CERKL: variants seen among roughly 807,000 people sequenced by gnomAD.
CERKL encodes the protein ceramide kinase-like protein.
Under a neutral mutation model 63.4 loss-of-function variants are expected in CERKL, and 61 were observed. That is an observed-to-expected ratio of 0.96 (90% CI 0.78 to 1.19). The LOEUF (loss-of-function observed/expected upper bound fraction) is 1.19. CERKL is among the 50% of genes most tolerant of loss of function. The pLI is 0.00. For missense variants in CERKL, 675 were observed against 655.5 expected (o/e 1.03, Z -0.33); for synonymous variants, 250 against 230.5 (o/e 1.08, Z -0.77).
At position 181,537,657 on chromosome 2, in the gene CERKL, A is replaced by AATTATTTCAGAATTATCT. The variant is rs1458843777; in HGVS notation, c.*509_*526dup. 2.3e-6 allele frequency: 1 copy of AATTATTTCAGAATTATCT among 435,170 alleles called. No homozygotes were observed. The highest frequency in any genetic ancestry group is 2.6e-5 in the Admixed American group (1 of 38,466). The allele number at this position is 435,170 out of a possible 1,614,324, so 27.0% of individuals were successfully genotyped here. ...AAATCCTGAAAAATGAAAGAATCCA[A>AATTATTTCAGAATTATCT]ATTATTTCAGAATTATCTAGGTTAA... On this transcript the variant is annotated 3_prime_UTR_variant, in exon 13 of 13. Coordinates refer to ENST00000410087, the MANE Select transcript of CERKL (RefSeq NM_201548.5).
intron 4 of CERKL, among the ~76,000 whole-genome samples, chr2:181,562,233 G>T (rs1260842605): frequency 3.3e-5 from 5 of 152,096 alleles, no homozygotes; most frequent in Admixed American, 2.6e-4. Context: ...ATTCATCTGT[G>T]AGCTCCCCTT....
chr2:181,591,273 C>T (rs1684979436), intron 2 of CERKL, among the ~76,000 whole-genome samples: 1 of 151,810 alleles, frequency 6.6e-6, no homozygotes. Context: ...CAATCGGTTA[C>T]CTATAAGGGG....
chr2:181,589,756 TCTTA>T (rs1684912021), intron 2 of CERKL, among the ~76,000 whole-genome samples: 1 of 152,130 alleles, frequency 6.6e-6, no homozygotes, highest in African/African-American at 2.4e-5. Context: ...GTAAAGAAAG[TCTTA>T]CTACAATGCA....
At chr2:181,605,533 C>G (rs1163507740) in intron 1 of CERKL, among the ~76,000 whole-genome samples, 1 of 152,146 alleles carries the variant, frequency 6.6e-6, no homozygotes, top group Non-Finnish European at 1.5e-5. Context: ...CCTTAGTGAG[C>G]TGGCTAAAGA....
intron 5 of CERKL, among the ~76,000 whole-genome samples, chr2:181,555,044 A>C (rs1300572707): frequency 6.6e-6 from 1 of 152,154 alleles, no homozygotes; most frequent in Non-Finnish European, 1.5e-5. Flanking sequence ...ATGCTCCCCA[A>C]ATCAGAAATA....
In CERKL at chr2:181,536,983, TATCTG is replaced by T. The variant is rs1454447160; in HGVS notation, c.*1196_*1200del. 2.2e-6 allele frequency: 1 copy of T among 452,134 alleles called. No individual in the cohort carries two copies. The highest frequency in any genetic ancestry group is 7.0e-4 in the Middle Eastern group (1 of 1,430). 28.0% of individuals were successfully genotyped at this position (452,134 alleles called of 1,614,324 possible). On this transcript the variant is annotated 3_prime_UTR_variant, in exon 13 of 13. Transcript: ENST00000410087. Reference sequence around the variant, plus strand: ...GCCAGCCATCCTAATTGATGAAAGTTATCTGTTCACAGGCCTGCAGTGATGGTGAG... The same window carrying T: ...GCCAGCCATCCTAATTGATGAAAGTTTTCACAGGCCTGCAGTGATGGTGAG...
intron 8 of CERKL, chr2:181,548,214 T>C (rs1687819306): frequency 3.9e-6 from 2 of 509,196 alleles, no homozygotes; most frequent in South Asian, 5.1e-5. Flanking sequence ...GCCTGGCATA[T>C]AGTAGGCACT....
chr2:181,572,624 T>C (rs1188670428), intron 3 of CERKL, among the ~76,000 whole-genome samples: 1 of 147,994 alleles, frequency 6.8e-6, no homozygotes, highest in Non-Finnish European at 1.5e-5. Context: ...GTAAATCACC[T>C]CTAAATAAGC....
At chr2:181,581,020 T>A (rs780131360) in intron 2 of CERKL, among the ~76,000 whole-genome samples, 37 of 152,192 alleles carry the variant, frequency 2.4e-4, no homozygotes, top group Non-Finnish European at 5.0e-4. Context: ...TTTACCCTGC[T>A]ACAAGGAGGC....
intron 12 of CERKL, 29 bp from the exon 13 acceptor site, chr2:181,538,273 CTTA>C: frequency 5.6e-6 from 8 of 1,416,114 alleles, no homozygotes; most frequent in Non-Finnish European, 3.0e-6. Context: ...ATTTCATCAA[CTTA>C]TTTTGTTGTT....
At chr2:181,607,224 T>C (rs538658910) in intron 1 of CERKL, among the ~76,000 whole-genome samples, 101 of 152,346 alleles carry the variant, frequency 6.6e-4, no homozygotes, top group African/African-American at 2.2e-3. Context: ...ATAAAAACAG[T>C]TGTGACCTCA....
chr2:181,641,388 T>C (rs374569259), intron 1 of CERKL, among the ~76,000 whole-genome samples: 65 of 145,812 alleles, frequency 4.5e-4, no homozygotes, highest in African/African-American at 1.5e-3. Context: ...GGGGTCTTGC[T>C]ATGTTGCCCA....
At chr2:181,603,159 A>G in intron 2 of CERKL, 1 of 244,574 alleles carries the variant, frequency 4.1e-6, no homozygotes, top group Non-Finnish European at 8.8e-6. Context: ...CCAGAGTATA[A>G]AGCATGGCCT....
chr2:181,593,682 C>T (rs750091007), intron 2 of CERKL, among the ~76,000 whole-genome samples: 1 of 152,006 alleles, frequency 6.6e-6, no homozygotes, highest in African/African-American at 2.4e-5. Context: ...AAAGGGTTCA[C>T]AGCTTGATGG....
At chr2:181,538,271 A>C (rs945540679) in intron 12 of CERKL, 27 bp from the exon 13 acceptor site, 11 of 1,432,788 alleles carry the variant, frequency 7.7e-6, no homozygotes, top group Non-Finnish European at 1.1e-5. Flanking sequence ...TTATTTCATC[A>C]ACTTATTTTG....
At chr2:181,601,103 G>GA (rs529086879) in intron 2 of CERKL, among the ~76,000 whole-genome samples, 35 of 152,096 alleles carry the variant, frequency 2.3e-4, no homozygotes, top group South Asian at 1.0e-3. Flanking sequence ...CCTGAATTCT[G>GA]AAAAAACAAA....
At chr2:181,560,624 A>G (rs1025540956) in intron 4 of CERKL, among the ~76,000 whole-genome samples, 5 of 152,192 alleles carry the variant, frequency 3.3e-5, no homozygotes, top group African/African-American at 1.2e-4. Context: ...TTCAATTTGC[A>G]GATTAGGAAA....
intron 3 of CERKL, among the ~76,000 whole-genome samples, chr2:181,571,022 T>C (rs778992709): frequency 1.1e-4 from 17 of 152,104 alleles, no homozygotes; most frequent in Non-Finnish European, 4.4e-5. Context: ...TATGACATAA[T>C]TTTTGAAACT....
intron 1 of CERKL, among the ~76,000 whole-genome samples, chr2:181,642,505 C>T (rs759536438): frequency 5.9e-5 from 9 of 152,102 alleles, no homozygotes; most frequent in Non-Finnish European, 1.2e-4. Context: ...AAACTTAAAG[C>T]TCAAGAAAAT....
Sources: allele counts gnomAD v4.1 joint callset (sites outside exome capture counted in the v4.1 genomes callset), GRCh38; gene constraint gnomAD v4.1.1; transcripts MANE v1.5; gene names NCBI Gene and HGNC (gene_info 2026-07-23, HGNC 2026-07-21).